The following GRIN2A variants were observed in gnomAD, a reference collection of about 807,000 sequenced individuals.
GRIN2A encodes glutamate ionotropic receptor NMDA type subunit 2A, also known as glutamate receptor ionotropic, NMDA 2A.
Under a neutral mutation model 113.4 loss-of-function variants are expected in GRIN2A, and 22 were observed. The ratio of observed to expected loss-of-function variants is 0.19; its 90% confidence interval spans 0.14 to 0.28. The LOEUF (loss-of-function observed/expected upper bound fraction) is 0.28, where lower values mean the gene tolerates loss of function less well. GRIN2A is among the 10% of genes least tolerant of loss of function. GRIN2A has a pLI of 1.00. For synonymous variants in GRIN2A, 827 were observed against 738.4 expected (o/e 1.12, Z -1.94); for missense variants, 1,502 against 1,887.0 (o/e 0.80, Z 3.78).
intron 2 of GRIN2A, among the ~76,000 whole-genome samples, chr16:10,127,784 G>C (rs1050195912): frequency 2.0e-5 from 3 of 152,166 alleles, no homozygotes; most frequent in Non-Finnish European, 4.4e-5. Flanking sequence ...CATACCAAGA[G>C]TATCAAGTTG....
chr16:9,869,266 C>G (rs1175017423), intron 4 of GRIN2A, among the ~76,000 whole-genome samples: 2 of 152,132 alleles, frequency 1.3e-5, no homozygotes, highest in Non-Finnish European at 2.9e-5. Context: ...AACTCTGTCT[C>G]TACTAAAAAT....
chr16:10,122,386 C>G (rs28550823), intron 2 of GRIN2A, among the ~76,000 whole-genome samples: 27,154 of 151,976 alleles, frequency 0.18, 2,650 homozygotes, highest in African/African-American at 0.22. Flanking sequence ...GCTACAAAAG[C>G]GGGGAGGTAG....
intron 4 of GRIN2A, among the ~76,000 whole-genome samples, chr16:9,889,512 C>G (rs558340187): frequency 6.6e-6 from 1 of 152,086 alleles, no homozygotes; most frequent in Non-Finnish European, 1.5e-5. Context: ...CATTTGTTCA[C>G]TTTGCTCTTT....
chr16:9,860,973 A>G (rs538839384), intron 4 of GRIN2A, among the ~76,000 whole-genome samples: 17 of 152,320 alleles, frequency 1.1e-4, no homozygotes, highest in Admixed American at 3.9e-4. Flanking sequence ...TCAGAGTTTA[A>G]AAAGGGAAGT....
chr16:9,854,676 A>G (rs1165991006), intron 4 of GRIN2A, among the ~76,000 whole-genome samples: 1 of 152,052 alleles, frequency 6.6e-6, no homozygotes, highest in African/African-American at 2.4e-5. Context: ...AATCCTCTCC[A>G]TAAAAGTGAA....
intron 2 of GRIN2A, among the ~76,000 whole-genome samples, chr16:10,020,818 T>G (rs2046706627): frequency 6.6e-6 from 1 of 152,168 alleles, no homozygotes; most frequent in Non-Finnish European, 1.5e-5. Flanking sequence ...TTATTATCAT[T>G]GCTACTCCCC....
chr16:9,966,734 C>A (rs2045562807), intron 2 of GRIN2A, among the ~76,000 whole-genome samples: 1 of 152,176 alleles, frequency 6.6e-6, no homozygotes, highest in African/African-American at 2.4e-5. Flanking sequence ...TACACTCCCA[C>A]CAACAGTGTA....
chr16:9,796,979 A>C (rs949911998), intron 11 of GRIN2A, among the ~76,000 whole-genome samples: 1 of 152,274 alleles, frequency 6.6e-6, no homozygotes, highest in African/African-American at 2.4e-5. Flanking sequence ...GGAGTTAAAT[A>C]TAAAACACAT....
At chr16:10,003,302 C>A (rs1381579378) in intron 2 of GRIN2A, among the ~76,000 whole-genome samples, 1 of 152,100 alleles carries the variant, frequency 6.6e-6, no homozygotes, top group Non-Finnish European at 1.5e-5. Context: ...GAGAAAAACC[C>A]ATGTGGAAAG....
intron 2 of GRIN2A, among the ~76,000 whole-genome samples, chr16:9,982,741 C>T (rs1400339692): frequency 6.6e-6 from 1 of 152,118 alleles, no homozygotes; most frequent in Non-Finnish European, 1.5e-5. Context: ...CTTCTGAGTC[C>T]CTTTGACCTG....
rs149886469 is a variant in GRIN2A, at chr16:9,890,970, A to T, written c.1122+16T>A. ...TTCTTCCCTCCCCTGCATTCAGCAC[A>T]CAGAAGGATGCTCACCTTTTCCCAT... On this transcript the variant is annotated intron_variant, in intron 4 of 12. Coordinates refer to ENST00000330684, the MANE Select transcript of GRIN2A (RefSeq NM_001134407.3). 522 of 1,497,654 alleles carry T rather than the reference A, an allele frequency of 3.5e-4. No homozygotes were observed. In the African/African-American group the frequency reaches 6.5e-3, roughly 19 times the overall value. 92.8% of individuals were successfully genotyped at this position (1,497,654 alleles called of 1,614,324 possible).
At chr16:10,075,037 C>G (rs1234020114) in intron 2 of GRIN2A, among the ~76,000 whole-genome samples, 2 of 152,040 alleles carry the variant, frequency 1.3e-5, no homozygotes, top group Non-Finnish European at 2.9e-5. Flanking sequence ...CAAAGGACAG[C>G]CCAGTGTAGG....
chr16:10,010,504 G>A (rs1256225755), intron 2 of GRIN2A, among the ~76,000 whole-genome samples: 1 of 152,178 alleles, frequency 6.6e-6, no homozygotes, highest in Non-Finnish European at 1.5e-5. Flanking sequence ...GGAACCTGGA[G>A]AGCATTAGCA....
At chr16:9,897,472 C>T (rs983746026) in intron 3 of GRIN2A, among the ~76,000 whole-genome samples, 2 of 152,036 alleles carry the variant, frequency 1.3e-5, no homozygotes, top group Non-Finnish European at 2.9e-5. Context: ...CCTGCTATCA[C>T]GTTAGATAGC....
At chr16:9,869,336 G>T (rs1436857389) in intron 4 of GRIN2A, among the ~76,000 whole-genome samples, 1 of 152,134 alleles carries the variant, frequency 6.6e-6, no homozygotes, top group Non-Finnish European at 1.5e-5. Flanking sequence ...GGGAGGCTGA[G>T]GCATGAGAAT....
chr16:9,780,449 A>C (rs1901874629), intron 11 of GRIN2A, among the ~76,000 whole-genome samples: 1 of 152,262 alleles, frequency 6.6e-6, no homozygotes, highest in Non-Finnish European at 1.5e-5. Flanking sequence ...TCAATGTCAC[A>C]AGAGACATCA....
intron 2 of GRIN2A, among the ~76,000 whole-genome samples, chr16:9,984,392 C>A (rs1161757062): frequency 6.6e-6 from 1 of 152,128 alleles, no homozygotes; most frequent in Admixed American, 6.6e-5. Context: ...GCTGATGTTA[C>A]CTGTGCTTTT....
intron 10 of GRIN2A, among the ~76,000 whole-genome samples, chr16:9,817,825 C>T (rs970845606): frequency 1.3e-5 from 2 of 152,142 alleles, no homozygotes; most frequent in African/African-American, 2.4e-5. Flanking sequence ...GTTACTGAAA[C>T]GTGTGGGTGG....
intron 4 of GRIN2A, among the ~76,000 whole-genome samples, chr16:9,889,021 T>G (rs1253718165): frequency 3.9e-5 from 6 of 152,144 alleles, no homozygotes; most frequent in African/African-American, 1.4e-4. Context: ...TGAAAAACTT[T>G]GTATAGAGTG....
Sources: gnomAD v4.1 joint callset for allele counts (sites outside exome capture counted in the v4.1 genomes callset) on GRCh38, gnomAD v4.1.1 for gene constraint, MANE v1.5 for transcripts, NCBI Gene and HGNC (gene_info 2026-07-23, HGNC 2026-07-21) for gene names.